Variants in FRMD4A observed in about 807,000 individuals in gnomAD.
FRMD4A encodes FERM domain-containing protein 4A.
FRMD4A carries 29 observed loss-of-function variants against 129.1 expected under a neutral mutation model. That is an observed-to-expected ratio of 0.22 (90% CI 0.17 to 0.31). The LOEUF is 0.31. Ranked by LOEUF, FRMD4A falls within the 10% of genes least tolerant of loss-of-function variation. The probability of loss-of-function intolerance (pLI) is 1.00; values close to 1 mark genes in which losing one functional copy is unlikely to be tolerated. For synonymous variants in FRMD4A, 634 were observed against 571.6 expected (o/e 1.11, Z -1.56); for missense variants, 1,272 against 1,375.8 (o/e 0.92, Z 1.19).
chr10:14,048,738 G>A (rs1033589675), intron 2 of FRMD4A, among the ~76,000 whole-genome samples: 3 of 151,994 alleles, frequency 2.0e-5, no homozygotes, highest in Admixed American at 1.3e-4. Flanking sequence ...CCTGGGAAGC[G>A]GAGGTTGCAG....
At chr10:13,690,791 G>A (rs775450409) in intron 15 of FRMD4A, among the ~76,000 whole-genome samples, 15 of 152,188 alleles carry the variant, frequency 9.9e-5, no homozygotes, top group South Asian at 2.1e-4. Context: ...GGGCCCCAGC[G>A]CTGAATGATA....
intron 2 of FRMD4A, among the ~76,000 whole-genome samples, chr10:13,894,635 C>T (rs1415876660): frequency 2.0e-5 from 3 of 152,190 alleles, no homozygotes; most frequent in Non-Finnish European, 4.4e-5. Flanking sequence ...TTTCCTGCTT[C>T]CTCTCCCTGG....
intron 2 of FRMD4A, among the ~76,000 whole-genome samples, chr10:14,276,549 A>T (rs2132054105): frequency 6.6e-6 from 1 of 152,330 alleles, no homozygotes; most frequent in East Asian, 1.9e-4. Context: ...CCCCATTTTA[A>T]GGTACAATTT....
chr10:13,747,424 C>T (rs2091348896), intron 9 of FRMD4A, among the ~76,000 whole-genome samples: 1 of 151,598 alleles, frequency 6.6e-6, no homozygotes, highest in East Asian at 1.9e-4. Flanking sequence ...GTAATCCCAG[C>T]TACTCAGGAG....
In FRMD4A at chr10:14,024,449, C is replaced by T. The variant is rs190090268; in HGVS notation, c.46-165537G>A. On this transcript the variant is annotated intron_variant, in intron 2 of 24. Coordinates refer to ENST00000357447, the MANE Select transcript of FRMD4A (RefSeq NM_018027.5). The stretch of plus-strand genomic sequence containing the variant: ...AATGTCCCGATTTGCTCTCAGTCCC[C>T]GCTGACAGATCAGATCTGCAAACTC... Among the ~76,000 whole-genome samples the T allele has an allele frequency of 6.6e-5, 10 of 152,328 alleles. No homozygotes were observed. The South Asian group carries it at 1.9e-3, about 28-fold the overall frequency.
intron 15 of FRMD4A, among the ~76,000 whole-genome samples, chr10:13,686,020 C>A (rs1424150762): frequency 6.6e-6 from 1 of 152,250 alleles, no homozygotes; most frequent in Non-Finnish European, 1.5e-5. Context: ...CCTGCTCAAA[C>A]ATGTCCAGAA....
intron 2 of FRMD4A, among the ~76,000 whole-genome samples, chr10:14,255,384 G>A (rs906095006): frequency 1.3e-5 from 2 of 152,162 alleles, no homozygotes; most frequent in Non-Finnish European, 2.9e-5. Context: ...TACGAGGCAT[G>A]AACTAGGATA....
chr10:13,708,327 G>A (rs2087679824), intron 12 of FRMD4A, among the ~76,000 whole-genome samples: 1 of 152,126 alleles, frequency 6.6e-6, no homozygotes, highest in Non-Finnish European at 1.5e-5. Flanking sequence ...TCCCAGGCTG[G>A]GGACACTGCT....
In FRMD4A at chr10:13,903,463, T is replaced by G. The variant is rs185586314; in HGVS notation, c.46-44551A>C. Among the ~76,000 whole-genome samples the G allele has an allele frequency of 4.0e-3, 605 of 152,322 alleles. 3 individuals are homozygous for G. The highest frequency in any genetic ancestry group is 5.6e-3 in the Non-Finnish European group (382 of 68,032). On this transcript the variant is annotated intron_variant, in intron 2 of 24. Transcript: ENST00000357447. ...ATTTGTTGAGGCCGTGCATGGTGGC[T>G]TATGCCTGTAATTCCAGCACTTTGG...
At chr10:14,076,639 C>CA (rs1241793326) in intron 2 of FRMD4A, among the ~76,000 whole-genome samples, 173 of 134,432 alleles carry the variant, frequency 1.3e-3, no homozygotes, top group Middle Eastern at 4.1e-3. Flanking sequence ...GACTCCGTCT[C>CA]AAAAAAAAAA....
chr10:13,748,070 G>A (rs1294930237), intron 8 of FRMD4A, among the ~76,000 whole-genome samples: 2 of 152,172 alleles, frequency 1.3e-5, no homozygotes, highest in African/African-American at 4.8e-5. Flanking sequence ...ATGGCCAGGG[G>A]TGTCTTCCCA....
chr10:13,981,327 C>T (rs2095559868), intron 2 of FRMD4A, among the ~76,000 whole-genome samples: 1 of 152,156 alleles, frequency 6.6e-6, no homozygotes, highest in South Asian at 2.1e-4. Context: ...TTAAAGCAGT[C>T]AACCAAAGCA....
intron 2 of FRMD4A, among the ~76,000 whole-genome samples, chr10:14,075,013 CAAAG>C (rs1242542261): frequency 6.6e-6 from 1 of 151,558 alleles, no homozygotes; most frequent in Non-Finnish European, 1.5e-5. Flanking sequence ...AGAGTAGAAT[CAAAG>C]AAAGATGTCC....
chr10:13,997,316 C>A (rs1389097730), intron 2 of FRMD4A, among the ~76,000 whole-genome samples: 2 of 152,090 alleles, frequency 1.3e-5, no homozygotes, highest in Non-Finnish European at 2.9e-5. Flanking sequence ...TAATCTTCAC[C>A]CCAAGAGTCT....
rs71503097 is a variant in FRMD4A at position 13,700,820 on chromosome 10, C to CTTTTTTTTTTT, written c.975+509_975+519dup. Among the ~76,000 whole-genome samples the CTTTTTTTTTTT allele has an allele frequency of 5.8e-4, 26 of 44,696 alleles. 2 individuals carry two copies. Among genetic ancestry groups the CTTTTTTTTTTT allele is most frequent in the African/African-American group, 1.6e-3 (19 of 11,580 alleles). The allele number at this position is 44,696 out of a possible 152,430, so 29.3% of individuals were successfully genotyped here. A position where few individuals can be genotyped will look rare whatever the true frequency, so the allele number is the denominator to read the frequency against. On this transcript the variant is annotated intron_variant, in intron 14 of 24. Coordinates refer to ENST00000357447, the MANE Select transcript of FRMD4A (RefSeq NM_018027.5). ...CTACCTTAGGGAAACAGGGTAGTTG[C>CTTTTTTTTTTT]TTTTTTTTTTTTTTTTTTTTTTTTT... is the stretch of plus-strand genomic sequence containing the variant.
chr10:13,851,667 C>T (rs901801573), intron 3 of FRMD4A, among the ~76,000 whole-genome samples: 15 of 151,924 alleles, frequency 9.9e-5, no homozygotes, highest in African/African-American at 1.9e-4. Context: ...TTTGGGAGGC[C>T]GAGGCGGGTG....
intron 12 of FRMD4A, among the ~76,000 whole-genome samples, chr10:13,728,089 C>T (rs1161368966): frequency 6.6e-6 from 1 of 152,178 alleles, no homozygotes; most frequent in Non-Finnish European, 1.5e-5. Context: ...AGTCACACAT[C>T]CTCACCAACA....
At chr10:14,282,029 A>G (rs1440272411) in intron 2 of FRMD4A, among the ~76,000 whole-genome samples, 3 of 152,216 alleles carry the variant, frequency 2.0e-5, no homozygotes, top group African/African-American at 4.8e-5. Flanking sequence ...GAAGGTAAAA[A>G]GCACGTCTTA....
At chr10:14,292,193 T>A (rs1193927214) in intron 2 of FRMD4A, among the ~76,000 whole-genome samples, 3 of 152,212 alleles carry the variant, frequency 2.0e-5, no homozygotes, top group Admixed American at 6.6e-5. Flanking sequence ...GATTCTGCAG[T>A]TTATACGGAA....
Sources: allele counts gnomAD v4.1 joint callset (sites outside exome capture counted in the v4.1 genomes callset), GRCh38; gene constraint gnomAD v4.1.1; transcripts MANE v1.5; gene names NCBI Gene and HGNC (gene_info 2026-07-23, HGNC 2026-07-21).